The following DIS3L2 variants were observed in gnomAD, a reference collection of about 807,000 sequenced individuals.
The protein encoded by DIS3L2 is DIS3 like 3'-5' exoribonuclease 2, also known as DIS3-like exonuclease 2.
A neutral mutation model predicts 97.5 loss-of-function variants in DIS3L2; 34 were observed. That is an observed-to-expected ratio of 0.35 (90% CI 0.27 to 0.46). DIS3L2 has a LOEUF of 0.46. Among genes scored for constraint, DIS3L2 ranks in the 20% least tolerant of loss-of-function variants. The pLI, the probability that DIS3L2 is intolerant of heterozygous loss-of-function variation, is 1.00. For synonymous variants in DIS3L2, 435 were observed against 445.2 expected (o/e 0.98, Z 0.29); for missense variants, 1,038 against 1,146.0 (o/e 0.91, Z 1.36).
chr2:232,129,644 T>G (rs1234221636), intron 6 of DIS3L2, among the ~76,000 whole-genome samples: 1 of 152,212 alleles, frequency 6.6e-6, no homozygotes, highest in African/African-American at 2.4e-5. Context: ...TGTCAGTGTT[T>G]CCAGAGTACG....
At chr2:232,324,617 C>T (rs557928174) in intron 14 of DIS3L2, among the ~76,000 whole-genome samples, 1 of 152,092 alleles carries the variant, frequency 6.6e-6, no homozygotes, top group African/African-American at 2.4e-5. Context: ...AAATGGGACA[C>T]CTCTGGCCTC....
At chr2:232,230,789 TGC>T (rs998188201) in intron 10 of DIS3L2, among the ~76,000 whole-genome samples, 1 of 152,148 alleles carries the variant, frequency 6.6e-6, no homozygotes, top group African/African-American at 2.4e-5. Flanking sequence ...AAGTAAAGAA[TGC>T]CTCATCCTGA....
intron 1 of DIS3L2, among the ~76,000 whole-genome samples, chr2:231,992,414 G>C (rs1025749284): frequency 4.6e-5 from 7 of 151,962 alleles, no homozygotes; most frequent in African/African-American, 7.3e-5. Context: ...ATTGTCCTTG[G>C]CTCCACCGTG....
intron 13 of DIS3L2, among the ~76,000 whole-genome samples, chr2:232,286,924 C>T (rs1176932406): frequency 3.9e-5 from 6 of 151,930 alleles, no homozygotes; most frequent in South Asian, 2.1e-4. Flanking sequence ...GGATTACAGG[C>T]GTGAGCCACC....
At chr2:232,067,988 G>A (rs1013873221) in intron 5 of DIS3L2, among the ~76,000 whole-genome samples, 2 of 152,110 alleles carry the variant, frequency 1.3e-5, no homozygotes, top group African/African-American at 4.8e-5. Context: ...CATAGAGAGG[G>A]AGAGGCAATG....
chr2:232,249,369 T>C (rs757915416), intron 12 of DIS3L2, 23 bp downstream of exon 12: 17 of 1,609,082 alleles, frequency 1.1e-5, no homozygotes, highest in Non-Finnish European at 1.4e-5. Context: ...ACGTTTTCTT[T>C]CTCCACTTAC....
intron 13 of DIS3L2, among the ~76,000 whole-genome samples, chr2:232,278,267 C>T (rs1278064649): frequency 2.0e-5 from 3 of 152,236 alleles, no homozygotes; most frequent in Non-Finnish European, 2.9e-5. Context: ...TCTTATAATA[C>T]CTTAAGCACT....
chr2:231,973,039 A>G (rs1357067591), intron 1 of DIS3L2, among the ~76,000 whole-genome samples: 1 of 152,218 alleles, frequency 6.6e-6, no homozygotes, highest in African/African-American at 2.4e-5. Flanking sequence ...GAAACCTTGA[A>G]TGAATTGGAA....
At chr2:232,285,931 T>C (rs1048328209) in intron 13 of DIS3L2, among the ~76,000 whole-genome samples, 3 of 152,212 alleles carry the variant, frequency 2.0e-5, no homozygotes, top group African/African-American at 4.8e-5. Flanking sequence ...TGGGACAATA[T>C]GATTGTTAAA....
chr2:232,339,550 G>A (rs1167985418), downstream of DIS3L2, among the ~76,000 whole-genome samples: 1 of 152,216 alleles, frequency 6.6e-6, no homozygotes, highest in East Asian at 1.9e-4. Flanking sequence ...CAGCAAGGAG[G>A]CCCCATGGTG....
chr2:232,047,538 G>A (rs1695275466), intron 5 of DIS3L2, among the ~76,000 whole-genome samples: 1 of 152,170 alleles, frequency 6.6e-6, no homozygotes, highest in African/African-American at 2.4e-5. Context: ...TGCCAAAAAT[G>A]ATTAAAATTT....
intron 9 of DIS3L2, among the ~76,000 whole-genome samples, chr2:232,205,237 T>TAA (rs1035069768): frequency 2.1e-5 from 3 of 141,404 alleles, no homozygotes; most frequent in African/African-American, 7.9e-5. Context: ...TATATATATA[T>TAA]AAAATGCAGT....
intron 5 of DIS3L2, among the ~76,000 whole-genome samples, chr2:232,051,060 C>T (rs1002783518): frequency 6.6e-6 from 1 of 152,208 alleles, no homozygotes; most frequent in African/African-American, 2.4e-5. Flanking sequence ...GAGACGCATG[C>T]ATTCCTCCCA....
intron 8 of DIS3L2, among the ~76,000 whole-genome samples, chr2:232,159,496 A>G (rs1443957638): frequency 6.6e-6 from 1 of 152,226 alleles, no homozygotes; most frequent in Non-Finnish European, 1.5e-5. Flanking sequence ...GGAGGCTTGT[A>G]TAAAGAGAGG....
At position 232,065,563 on chromosome 2, in the gene DIS3L2, A is replaced by C. The variant is rs760791626; in HGVS notation, c.367-21924A>C. ...TCTAGGCTCTATATTCTGTTCCATT[A>C]ATCTATTTATCTATCCTTCCTTAAT... On this transcript the variant is annotated intron_variant, in intron 5 of 20. Transcript: ENST00000325385. Among the ~76,000 whole-genome samples the C allele has an allele frequency of 4.6e-5, 7 of 151,902 alleles. No individual in the cohort carries two copies. In the South Asian group the frequency reaches 1.4e-3, roughly 31 times the overall value.
At chr2:232,161,276 C>G (rs1454036614) in intron 8 of DIS3L2, among the ~76,000 whole-genome samples, 1 of 151,990 alleles carries the variant, frequency 6.6e-6, no homozygotes, top group Non-Finnish European at 1.5e-5. Flanking sequence ...CTTCTCCTTA[C>G]CTGGAATCTA....
At chr2:232,209,745 A>G (rs1692135043) in intron 9 of DIS3L2, among the ~76,000 whole-genome samples, 1 of 152,232 alleles carries the variant, frequency 6.6e-6, no homozygotes, top group Admixed American at 6.5e-5. Context: ...TTCACAGGGT[A>G]AGAGTGTGAT....
chr2:232,126,273 C>T (rs1053582101), intron 6 of DIS3L2, among the ~76,000 whole-genome samples: 1 of 152,194 alleles, frequency 6.6e-6, no homozygotes, highest in Non-Finnish European at 1.5e-5. Context: ...GTTTCATTGT[C>T]TGGGCCTGTA....
chr2:232,022,466 C>T (rs745982938), intron 3 of DIS3L2, among the ~76,000 whole-genome samples: 1 of 152,118 alleles, frequency 6.6e-6, no homozygotes, highest in Non-Finnish European at 1.5e-5. Context: ...CCTGGCCTGT[C>T]TGAGTGCCCT....
Sources: allele counts gnomAD v4.1 joint callset (sites outside exome capture counted in the v4.1 genomes callset), GRCh38; gene constraint gnomAD v4.1.1; transcripts MANE v1.5; gene names NCBI Gene and HGNC (gene_info 2026-07-23, HGNC 2026-07-21).